RBMS3: variants seen among roughly 807,000 people sequenced by gnomAD.
RBMS3 encodes RNA-binding motif, single-stranded-interacting protein 3.
A neutral mutation model predicts 66.8 loss-of-function variants in RBMS3; 27 were observed. The ratio of observed to expected loss-of-function variants is 0.40; its 90% CI spans 0.30 to 0.56. RBMS3 has a LOEUF of 0.56. RBMS3 is among the 20% of genes least tolerant of loss of function. The pLI is 0.40. For missense variants in RBMS3, 513 were observed against 549.5 expected (o/e 0.93, Z 0.66); for synonymous variants, 188 against 183.0 (o/e 1.03, Z -0.22).
At chr3:29,347,720 A>C (rs1209640356) in intron 1 of RBMS3, among the ~76,000 whole-genome samples, 1 of 152,100 alleles carries the variant, frequency 6.6e-6, no homozygotes, top group African/African-American at 2.4e-5. Context: ...TTTTGGGAGG[A>C]GTATAGGGTG....
chr3:29,849,279 G>A (rs1469981510), intron 6 of RBMS3, among the ~76,000 whole-genome samples: 1 of 151,616 alleles, frequency 6.6e-6, no homozygotes, highest in Non-Finnish European at 1.5e-5. Flanking sequence ...ACTTTAGGAG[G>A]CCCAGGCGGG....
chr3:29,676,612 A>G (rs2051265146), intron 4 of RBMS3, among the ~76,000 whole-genome samples: 1 of 152,224 alleles, frequency 6.6e-6, no homozygotes, highest in South Asian at 2.1e-4. Flanking sequence ...AATCAGTAGT[A>G]ACTTTGAATC....
chr3:29,819,996 GC>G (rs1233838098), intron 6 of RBMS3, among the ~76,000 whole-genome samples: 2 of 151,636 alleles, frequency 1.3e-5, no homozygotes, highest in Non-Finnish European at 2.9e-5. Flanking sequence ...GGAGTTTGAG[GC>G]CTGCCTGGCC....
At chr3:29,772,399 A>G (rs2056248983) in intron 6 of RBMS3, among the ~76,000 whole-genome samples, 1 of 152,074 alleles carries the variant, frequency 6.6e-6, no homozygotes, top group Non-Finnish European at 1.5e-5. Context: ...ATATTACATT[A>G]TTAAATAGTC....
intron 1 of RBMS3, among the ~76,000 whole-genome samples, chr3:29,423,020 C>A (rs943797021): frequency 1.3e-5 from 2 of 152,184 alleles, no homozygotes; most frequent in African/African-American, 2.4e-5. Flanking sequence ...TATGAAATTG[C>A]TGAATTGCCC....
intron 11 of RBMS3, among the ~76,000 whole-genome samples, chr3:29,939,348 T>C (rs1169334540): frequency 6.6e-6 from 1 of 151,984 alleles, no homozygotes; most frequent in South Asian, 2.1e-4. Context: ...GTATTTTCCA[T>C]GCAATAATAA....
chr3:29,503,028 C>G (rs1302570838), intron 3 of RBMS3, among the ~76,000 whole-genome samples: 1 of 152,094 alleles, frequency 6.6e-6, no homozygotes, highest in Admixed American at 6.6e-5. Flanking sequence ...CTTACCCAGT[C>G]TCTTTTCTTT....
intron 1 of RBMS3, among the ~76,000 whole-genome samples, chr3:29,301,285 C>T (rs530358308): frequency 6.6e-6 from 1 of 152,108 alleles, no homozygotes; most frequent in African/African-American, 2.4e-5. Context: ...AAAAGTCTAA[C>T]AAGAGAGCTT....
chr3:29,636,155 C>A (rs573063195), intron 4 of RBMS3, among the ~76,000 whole-genome samples: 3 of 151,752 alleles, frequency 2.0e-5, no homozygotes, highest in South Asian at 2.1e-4. Context: ...ATGGTTTACA[C>A]TAAGTCTAGG....
chr3:29,697,083 A>G (rs13314561), intron 4 of RBMS3: 47,981 of 985,038 alleles, frequency 0.049, 3,823 homozygotes, highest in African/African-American at 0.33. Context: ...TGTGCTCAGC[A>G]TGGTAAGGAC....
intron 6 of RBMS3, among the ~76,000 whole-genome samples, chr3:29,772,643 G>T (rs373401841): frequency 7.2e-5 from 11 of 152,058 alleles, no homozygotes; most frequent in African/African-American, 1.9e-4. Context: ...CAGCATAGGA[G>T]GTCGGTGGTT....
chr3:29,880,957 C>A, intron 7 of RBMS3: 1 of 882,748 alleles, frequency 1.1e-6, no homozygotes, highest in Non-Finnish European at 1.8e-6. Context: ...GGAGCTCATG[C>A]TAACTCCTGT....
chr3:29,455,058 A>C (rs1234260814), intron 2 of RBMS3, among the ~76,000 whole-genome samples: 1 of 152,092 alleles, frequency 6.6e-6, no homozygotes, highest in East Asian at 1.9e-4. Flanking sequence ...CTCCCTATCT[A>C]TCTGTTGAAC....
At chr3:29,743,014 A>G (rs2054709828) in intron 5 of RBMS3, among the ~76,000 whole-genome samples, 1 of 152,204 alleles carries the variant, frequency 6.6e-6, no homozygotes. Flanking sequence ...AGAAGCCAGG[A>G]AACCAACACA....
chr3:29,954,231 C>T (rs540779634), intron 12 of RBMS3, among the ~76,000 whole-genome samples: 1 of 151,824 alleles, frequency 6.6e-6, no homozygotes, highest in Admixed American at 6.6e-5. Flanking sequence ...ATATAGATGA[C>T]CTCCAAATCT....
Position 29,950,249 on chromosome 3 carries a change from C to T in RBMS3, c.1098+5995C>T, listed in dbSNP as rs116691931. Among the ~76,000 whole-genome samples the T allele has an allele frequency of 4.4e-3, 669 of 151,956 alleles. 5 individuals carry two copies. Among genetic ancestry groups the T allele is most frequent in the African/African-American group, 0.015 (623 of 41,498 alleles). On this transcript the variant is annotated intron_variant, in intron 12 of 14. Transcript: ENST00000383767. ...GCAGCACACACATCAAATCAAAAGG[C>T]AGCCTCTCAAAATGCTTTCTGCAGT...
intron 6 of RBMS3, among the ~76,000 whole-genome samples, chr3:29,840,813 A>G (rs2058645310): frequency 6.6e-6 from 1 of 152,004 alleles, no homozygotes; most frequent in Non-Finnish European, 1.5e-5. Flanking sequence ...CAATGTTGCA[A>G]TGAATGTCCC....
chr3:29,529,523 T>TA (rs1358359038), intron 3 of RBMS3, among the ~76,000 whole-genome samples: 7 of 152,178 alleles, frequency 4.6e-5, no homozygotes, highest in African/African-American at 1.2e-4. Context: ...AATCTAAATC[T>TA]AAAAAAGAGC....
At chr3:29,839,911 T>C (rs2058621046) in intron 6 of RBMS3, among the ~76,000 whole-genome samples, 1 of 152,176 alleles carries the variant, frequency 6.6e-6, no homozygotes, top group Admixed American at 6.5e-5. Context: ...TTTCAATATA[T>C]AATCTTACTA....
Sources: allele counts gnomAD v4.1 joint callset (sites outside exome capture counted in the v4.1 genomes callset), GRCh38; gene constraint gnomAD v4.1.1; transcripts MANE v1.5; gene names NCBI Gene and HGNC (gene_info 2026-07-23, HGNC 2026-07-21).